Variants in FMN1 observed in about 807,000 individuals in gnomAD.
FMN1 encodes the protein formin-1.
In FMN1, 110 loss-of-function variants were observed where a neutral mutation model predicts 132.4. The ratio of observed to expected loss-of-function variants is 0.83; its 90% CI spans 0.71 to 0.97. The LOEUF (loss-of-function observed/expected upper bound fraction) is 0.97. FMN1 is among the 50% of genes least tolerant of loss of function. The pLI, the probability that FMN1 is intolerant of heterozygous loss-of-function variation, is 0.00. For synonymous variants in FMN1, 722 were observed against 651.7 expected, an observed-to-expected ratio of 1.11 and a Z score of -1.64; for missense variants, 1,792 against 1,705.3, an observed-to-expected ratio of 1.05 and a Z score of -0.90.
At chr15:32,958,353 C>T (rs11633462) in intron 9 of FMN1, among the ~76,000 whole-genome samples, 8,847 of 152,250 alleles carry the variant, frequency 0.058, 300 homozygotes, top group Non-Finnish European at 0.079. Context: ...AATGCAGACA[C>T]ATGCTGATGA....
At chr15:33,109,597 T>C (rs1362470060) in intron 4 of FMN1, among the ~76,000 whole-genome samples, 2 of 151,780 alleles carry the variant, frequency 1.3e-5, no homozygotes, top group Non-Finnish European at 2.9e-5. Context: ...GAACAGAAAA[T>C]CAAATACTGC....
chr15:33,094,324 G>A (rs1440126814), intron 4 of FMN1, among the ~76,000 whole-genome samples: 4 of 152,190 alleles, frequency 2.6e-5, no homozygotes, highest in African/African-American at 9.7e-5. Flanking sequence ...AGATAGATTT[G>A]ATGGGAGAAG....
chr15:33,114,095 T>C (rs964660937), intron 4 of FMN1, among the ~76,000 whole-genome samples: 1 of 152,234 alleles, frequency 6.6e-6, no homozygotes, highest in Non-Finnish European at 1.5e-5. Flanking sequence ...CTGTTCAGAA[T>C]TGTCAGCCCG....
rs78830276 is a variant in FMN1, at chr15:33,026,472, T to G, written c.2162-18397A>C. The stretch of plus-strand genomic sequence containing the variant: ...TATAAGACTAGGTTTAGCCTTATAA[T>G]CAGTGAGGAAAAAATTGCCTACCTC... On this transcript the variant is annotated intron_variant, in intron 6 of 20. Coordinates refer to ENST00000616417, the MANE Select transcript of FMN1 (RefSeq NM_001277313.2). Among the ~76,000 whole-genome samples, 1,257 of 146,486 alleles carry G rather than the reference T, an allele frequency of 8.6e-3. 22 individuals carry two copies. Among genetic ancestry groups the G allele is most frequent in the African/African-American group, 0.03 (1,197 of 40,426 alleles).
intron 17 of FMN1, among the ~76,000 whole-genome samples, chr15:32,807,786 G>A (rs907890196): frequency 2.0e-5 from 3 of 152,232 alleles, no homozygotes; most frequent in Non-Finnish European, 4.4e-5. Context: ...AACTCTGAGG[G>A]TTTAGGGAAA....
intron 5 of FMN1, among the ~76,000 whole-genome samples, chr15:33,077,571 G>A (rs552021976): frequency 4.0e-5 from 6 of 151,466 alleles, no homozygotes; most frequent in Admixed American, 3.9e-4. Flanking sequence ...ATGTCCATGT[G>A]TTCTCACTGT....
intron 6 of FMN1, among the ~76,000 whole-genome samples, chr15:33,046,169 T>C (rs1405034222): frequency 1.3e-5 from 2 of 152,156 alleles, no homozygotes; most frequent in Non-Finnish European, 2.9e-5. Context: ...CGAATAAAAA[T>C]GTCCTCATGT....
intron 10 of FMN1, among the ~76,000 whole-genome samples, chr15:32,914,719 A>G (rs536513595): frequency 6.6e-6 from 1 of 152,346 alleles, no homozygotes; most frequent in South Asian, 2.1e-4. Context: ...AAAAAGAAAG[A>G]CACTACAGAG....
chr15:33,052,830 T>C (rs764364279), intron 6 of FMN1, among the ~76,000 whole-genome samples: 2 of 152,206 alleles, frequency 1.3e-5, no homozygotes, highest in Non-Finnish European at 2.9e-5. Context: ...TACCCTTTTC[T>C]AATTGGTTTT....
intron 15 of FMN1, among the ~76,000 whole-genome samples, chr15:32,891,685 G>C (rs2060033598): frequency 1.3e-5 from 2 of 152,088 alleles, no homozygotes; most frequent in Admixed American, 1.3e-4. Context: ...CATGAGCATG[G>C]GATAGGTTTC....
chr15:33,108,495 G>C (rs531787295), intron 4 of FMN1, among the ~76,000 whole-genome samples: 7 of 151,778 alleles, frequency 4.6e-5, no homozygotes, highest in African/African-American at 1.5e-4. Flanking sequence ...AGATTGCAAG[G>C]TAGATAACAT....
intron 6 of FMN1, among the ~76,000 whole-genome samples, chr15:33,035,592 TTTGG>T: frequency 6.6e-6 from 1 of 152,304 alleles, no homozygotes; most frequent in Admixed American, 6.5e-5. Flanking sequence ...TCTTTTCTTA[TTTGG>T]TTGCTCAAAT....
At chr15:32,944,660 C>G (rs770250774) in intron 9 of FMN1, among the ~76,000 whole-genome samples, 20 of 151,838 alleles carry the variant, frequency 1.3e-4, no homozygotes, top group Admixed American at 4.6e-4. Context: ...TATTTGGCAC[C>G]CCATCCCCAT....
At chr15:33,018,051 C>A (rs560230052) in intron 6 of FMN1, among the ~76,000 whole-genome samples, 1 of 140,108 alleles carries the variant, frequency 7.1e-6, no homozygotes, top group African/African-American at 2.7e-5. Flanking sequence ...GGCAACAGAG[C>A]GACACTACCT....
At chr15:32,941,412 T>C (rs1050395502) in intron 9 of FMN1, among the ~76,000 whole-genome samples, 1 of 152,236 alleles carries the variant, frequency 6.6e-6, no homozygotes, top group Non-Finnish European at 1.5e-5. Context: ...AGTCCACGTA[T>C]GTAAGTATAG....
chr15:32,783,887 T>TTA (rs2056760390), intron 19 of FMN1, among the ~76,000 whole-genome samples: 1 of 151,568 alleles, frequency 6.6e-6, no homozygotes, highest in African/African-American at 2.4e-5. Context: ...TTTCTACAGG[T>TTA]TAGAGGCATA....
At chr15:32,929,547 G>T (rs2339165) in intron 9 of FMN1, among the ~76,000 whole-genome samples, 1 of 151,958 alleles carries the variant, frequency 6.6e-6, no homozygotes, top group African/African-American at 2.4e-5. Flanking sequence ...TTCACCTTGC[G>T]TAACAGAAAT....
chr15:33,114,049 C>A (rs1340282964), intron 4 of FMN1, among the ~76,000 whole-genome samples: 1 of 152,236 alleles, frequency 6.6e-6, no homozygotes. Context: ...ATCTTGTAAG[C>A]TGGTTTCCTA....
chr15:33,098,103 G>A (rs1046064562), intron 4 of FMN1, among the ~76,000 whole-genome samples: 3 of 151,992 alleles, frequency 2.0e-5, no homozygotes, highest in Non-Finnish European at 2.9e-5. Context: ...AAAATTATTC[G>A]GAAAATCCCA....
Sources: allele counts gnomAD v4.1 joint callset (sites outside exome capture counted in the v4.1 genomes callset), GRCh38; gene constraint gnomAD v4.1.1; transcripts MANE v1.5; gene names NCBI Gene and HGNC (gene_info 2026-07-23, HGNC 2026-07-21).